COLEC11: variants seen among roughly 807,000 people sequenced by gnomAD.
The protein encoded by COLEC11 is collectin subfamily member 11, also known as collectin-11.
A neutral mutation model predicts 27.3 loss-of-function variants in COLEC11; 20 were observed. The observed-to-expected ratio is 0.73, with a 90% CI of 0.51 to 1.06. The LOEUF (loss-of-function observed/expected upper bound fraction) is 1.06. Among genes scored for constraint, COLEC11 ranks in the 50% least tolerant of loss-of-function variants. The pLI is 0.00. For synonymous variants in COLEC11, 163 were observed against 154.7 expected (o/e 1.05, Z -0.40); for missense variants, 310 against 383.0 (o/e 0.81, Z 1.59).
At position 3,644,066 on chromosome 2, in the gene COLEC11, C is replaced by T. The variant is rs1423555436; in HGVS notation, c.764C>T (p.Ala255Val). 6.2e-7 allele frequency: 1 copy of T among 1,613,560 alleles called. No homozygotes were observed. Among genetic ancestry groups the T allele is most frequent in the Non-Finnish European group, 8.5e-7 (1 of 1,180,058 alleles). Residue 255 changes from alanine (A) to valine (V), a missense_variant, in exon 7 of 7, where the codon GCC (alanine) becomes GTC (valine). Transcript: ENST00000349077. Reference sequence around the variant, plus strand: ...GCCTCGGGCGGCTGGAACGACGTGGCCTGCCACACCACCATGTACTTCATG... The same window carrying T: ...GCCTCGGGCGGCTGGAACGACGTGGTCTGCCACACCACCATGTACTTCATG... ...MVASGGWNDV[A>V]CHTTMYFMCE... is the part of the protein sequence containing the mutation.
intron 2 of COLEC11, among the ~76,000 whole-genome samples, chr2:3,612,118 G>A (rs1355209643): frequency 1.3e-5 from 2 of 152,048 alleles, no homozygotes; most frequent in African/African-American, 2.4e-5. Flanking sequence ...TAAAGTTTAC[G>A]TGAACGCTGG....
intron 3 of COLEC11, among the ~76,000 whole-genome samples, chr2:3,624,004 G>T (rs1323890919): frequency 6.6e-6 from 1 of 152,134 alleles, no homozygotes; most frequent in Non-Finnish European, 1.5e-5. Context: ...GGATTCTGAG[G>T]CTCTCTCAGA....
At position 3,611,781 on chromosome 2, in the gene COLEC11, C is replaced by T. The variant is rs1226195371; in HGVS notation, c.131-1530C>T. 2.0e-5 allele frequency among the ~76,000 whole-genome samples: 3 copies of T among 152,064 alleles called. No individual in the cohort carries two copies. In the East Asian group the frequency reaches 5.9e-4, roughly 30 times the overall value. ...TTACTTGGATTTAAATGGAAAGTCC[C>T]CTCCGTGAGGCCAGATAATCAGCTT... On this transcript the variant is annotated intron_variant, in intron 2 of 6. Coordinates refer to ENST00000349077, the MANE Select transcript of COLEC11 (RefSeq NM_024027.5).
At chr2:3,627,008 C>T (rs1664604106) in intron 3 of COLEC11, among the ~76,000 whole-genome samples, 1 of 152,180 alleles carries the variant, frequency 6.6e-6, no homozygotes, top group Non-Finnish European at 1.5e-5. Context: ...GCTCTTCTGC[C>T]CGTGGGCTTG....
At chr2:3,615,105 TTTC>T (rs1477603475) in intron 3 of COLEC11, among the ~76,000 whole-genome samples, 1 of 81,828 alleles carries the variant, frequency 1.2e-5, no homozygotes, top group Non-Finnish European at 2.9e-5. Context: ...AAATATTTTC[TTTC>T]TTTTTTTTTT....
chr2:3,635,682 C>T (rs931840985), intron 3 of COLEC11, among the ~76,000 whole-genome samples: 1 of 152,218 alleles, frequency 6.6e-6, no homozygotes, highest in African/African-American at 2.4e-5. Flanking sequence ...GCCTGGTGTG[C>T]GAAGCAGAGT....
chr2:3,598,038 C>A lies in COLEC11; in HGVS notation c.-27+2870C>A, dbSNP rs540356560. On this transcript the variant is annotated intron_variant, in intron 1 of 6. Coordinates refer to ENST00000349077, the MANE Select transcript of COLEC11 (RefSeq NM_024027.5). Reference sequence around the variant, plus strand: ...GCAACCTCCACCTCCCGGGTTCAAGCGATTCTCCTGCCTCAGCCTCCCGAG... The same window carrying A: ...GCAACCTCCACCTCCCGGGTTCAAGAGATTCTCCTGCCTCAGCCTCCCGAG... Among the ~76,000 whole-genome samples, 9 of 152,196 alleles carry A rather than the reference C, an allele frequency of 5.9e-5. No homozygotes were observed. The South Asian group carries it at 1.9e-3, about 32-fold the overall frequency.
rs910776800 is a variant in COLEC11, at chr2:3,625,394, G to T, written c.202+12012G>T. ...CGTTCTTGGCTGCCTTGTGGTGGGT[G>T]GGGGGCCATGGACCCAGCCCAGGGC... On this transcript the variant is annotated intron_variant, in intron 3 of 6. Coordinates refer to ENST00000349077, the MANE Select transcript of COLEC11 (RefSeq NM_024027.5). Among the ~76,000 whole-genome samples the T allele has an allele frequency of 2.6e-5, 4 of 152,076 alleles. No individual in the cohort carries two copies. In the South Asian group the frequency reaches 6.2e-4, roughly 24 times the overall value.
chr2:3,623,242 G>C (rs115466999), intron 3 of COLEC11, among the ~76,000 whole-genome samples: 1 of 152,060 alleles, frequency 6.6e-6, no homozygotes, highest in Non-Finnish European at 1.5e-5. Flanking sequence ...ATTTATGGTA[G>C]TTTGATTATA....
At chr2:3,611,409 T>C (rs1663185099) in intron 2 of COLEC11, among the ~76,000 whole-genome samples, 1 of 152,250 alleles carries the variant, frequency 6.6e-6, no homozygotes, top group Admixed American at 6.5e-5. Context: ...AGGACCTCCA[T>C]TCACCGATTG....
At chr2:3,616,586 G>A (rs1259036366) in intron 3 of COLEC11, among the ~76,000 whole-genome samples, 3 of 152,234 alleles carry the variant, frequency 2.0e-5, no homozygotes, top group Admixed American at 6.5e-5. Flanking sequence ...GCGAAACCCC[G>A]TCTCCACCAA....
At chr2:3,617,156 T>G (rs1282903825) in intron 3 of COLEC11, among the ~76,000 whole-genome samples, 1 of 152,084 alleles carries the variant, frequency 6.6e-6, no homozygotes, top group Non-Finnish European at 1.5e-5. Context: ...TTTTAAGTTT[T>G]TAAACTTTTT....
intron 3 of COLEC11, among the ~76,000 whole-genome samples, chr2:3,630,908 T>A (rs1664947652): frequency 6.6e-6 from 1 of 152,236 alleles, no homozygotes; most frequent in Non-Finnish European, 1.5e-5. Flanking sequence ...GACTGTTTTG[T>A]CATTAAGATT....
At chr2:3,626,057 A>G (rs762118597) in intron 3 of COLEC11, 4 of 1,614,138 alleles carry the variant, frequency 2.5e-6, no homozygotes, top group Non-Finnish European at 3.4e-6. Flanking sequence ...TCCAAAAGGA[A>G]GTGCACCTCG....
chr2:3,634,590 T>C (rs1198863445), intron 3 of COLEC11, among the ~76,000 whole-genome samples: 1 of 152,182 alleles, frequency 6.6e-6, no homozygotes, highest in Non-Finnish European at 1.5e-5. Flanking sequence ...CCAGTTGCCC[T>C]TCTCTCTCCC....
intron 2 of COLEC11, among the ~76,000 whole-genome samples, chr2:3,613,095 G>A (rs1464350590): frequency 6.9e-6 from 1 of 145,372 alleles, no homozygotes; most frequent in African/African-American, 2.8e-5. Flanking sequence ...TTCTAAGAGA[G>A]AAGGTAGGGC....
intron 1 of COLEC11, 200 bp from the exon 2 acceptor site, chr2:3,604,115 G>A (rs1188758878): frequency 7.9e-6 from 5 of 635,090 alleles, no homozygotes; most frequent in Non-Finnish European, 1.4e-5. Context: ...GCCTGGTGCT[G>A]ACCCTGGGGC....
intron 3 of COLEC11, among the ~76,000 whole-genome samples, chr2:3,626,970 C>T (rs1014230283): frequency 2.6e-5 from 4 of 152,190 alleles, no homozygotes; most frequent in African/African-American, 9.7e-5. Flanking sequence ...CAGTGGGACA[C>T]AGCCCTGCCA....
At chr2:3,611,860 GGTGTGTGGGCCACAAC>G (rs1663218881) in intron 2 of COLEC11, among the ~76,000 whole-genome samples, 2 of 152,242 alleles carry the variant, frequency 1.3e-5, no homozygotes, top group South Asian at 4.1e-4. Context: ...TCCAAGACAA[GGTGTGTGGGCCACAAC>G]GTGTGTGGGC....
Sources: allele counts gnomAD v4.1 joint callset (sites outside exome capture counted in the v4.1 genomes callset), GRCh38; gene constraint gnomAD v4.1.1; transcripts MANE v1.5; gene names NCBI Gene and HGNC (gene_info 2026-07-23, HGNC 2026-07-21).